The following KCNK18 variants were observed in gnomAD, a reference collection of about 807,000 sequenced individuals.
KCNK18 encodes potassium two pore domain channel subfamily K member 18, also known as potassium channel subfamily K member 18.
Under a neutral mutation model 11.8 loss-of-function variants are expected in KCNK18, and 8 were observed. That is an observed-to-expected ratio of 0.68 (90% CI 0.40 to 1.22). The LOEUF is 1.22. Among genes scored for constraint, KCNK18 ranks in the 50% most tolerant of loss-of-function variants. KCNK18 has a pLI of 0.01. For synonymous variants in KCNK18, 208 were observed against 185.8 expected (o/e 1.12, Z -0.97); for missense variants, 442 against 465.4 (o/e 0.95, Z 0.46).
At chr10:117,204,957 C>T (rs1269986598) in intron 2 of KCNK18, among the ~76,000 whole-genome samples, 2 of 152,174 alleles carry the variant, frequency 1.3e-5, no homozygotes, top group East Asian at 1.9e-4. Flanking sequence ...GCCCATTGTA[C>T]GAGTCAATTA....
At chr10:117,200,814 G>GAAA (rs36101740) in intron 1 of KCNK18, among the ~76,000 whole-genome samples, 9,165 of 145,350 alleles carry the variant, frequency 0.063, 468 homozygotes, top group Admixed American at 0.16. Flanking sequence ...CTTGTCTCAA[G>GAAA]AAAAAAAAAA....
At chr10:117,201,983 A>T (rs1444574812) in intron 2 of KCNK18, among the ~76,000 whole-genome samples, 1 of 152,162 alleles carries the variant, frequency 6.6e-6, no homozygotes, top group East Asian at 1.9e-4. Context: ...GAGACACAGG[A>T]GGCGATGGAG....
intron 2 of KCNK18, among the ~76,000 whole-genome samples, chr10:117,204,270 C>CA (rs61016831): frequency 0.69 from 79,627 of 116,236 alleles, 26,769 homozygotes; most frequent in Admixed American, 0.76. Flanking sequence ...GGCAGAGTCT[C>CA]AAAAAAAAAA....
intron 1 of KCNK18, among the ~76,000 whole-genome samples, chr10:117,198,188 C>A (rs867669151): frequency 1.3e-5 from 2 of 152,130 alleles, no homozygotes; most frequent in African/African-American, 2.4e-5. Flanking sequence ...ATTTAAATTC[C>A]AGCAGGAGCA....
chr10:117,207,188 C>G (rs964886386), intron 2 of KCNK18, among the ~76,000 whole-genome samples: 1 of 152,172 alleles, frequency 6.6e-6, no homozygotes, highest in Non-Finnish European at 1.5e-5. Flanking sequence ...GCCATCACAC[C>G]TGGCCAATTT....
intron 1 of KCNK18, among the ~76,000 whole-genome samples, chr10:117,198,028 G>A (rs1482131530): frequency 1.3e-5 from 2 of 152,256 alleles, no homozygotes; most frequent in South Asian, 2.1e-4. Flanking sequence ...CTCAGGGGAC[G>A]ATGGATTACT....
intron 2 of KCNK18, among the ~76,000 whole-genome samples, 193 bp from the exon 3 acceptor site, chr10:117,209,304 T>C (rs993157151): frequency 1.3e-5 from 2 of 152,178 alleles, no homozygotes; most frequent in African/African-American, 4.8e-5. Context: ...GGAAGCTGTT[T>C]CACTCCTTTC....
intron 1 of KCNK18, among the ~76,000 whole-genome samples, chr10:117,198,848 T>TTGCTGCCAAAGGGACAC (rs1333723820): frequency 1.3e-5 from 2 of 152,070 alleles, no homozygotes; most frequent in East Asian, 3.9e-4. Context: ...ACCTGGGAGA[T>TTGCTGCCAAAGGGACAC]TGCTGCCAAA....
rs377258890 is a variant in KCNK18 at position 117,209,803 on chromosome 10, G to A, written c.659G>A (p.Arg220His). The change falls in exon 3 of 3, where the codon CGC becomes CAC. Residue 220 changes from arginine to histidine, a missense_variant. By Grantham distance (29) the Arg-to-His change is conservative. Transcript: ENST00000334549. ...PGPKLGTCPS[R>H]PSCSMELFER... Reference sequence around the variant, plus strand: ...CCCAAACTTGGCACATGTCCTTCACGCCCAAGCTGCAGCATGGAGCTGTTT... The same window carrying A: ...CCCAAACTTGGCACATGTCCTTCACACCCAAGCTGCAGCATGGAGCTGTTT... The A allele has an allele frequency of 3.3e-5, 54 of 1,613,954 alleles. 1 individual carries two copies. Among genetic ancestry groups the A allele is most frequent in the South Asian group, 6.6e-5 (6 of 91,070 alleles).
chr10:117,209,553 G>A lies in KCNK18; in HGVS notation c.409G>A (p.Ala137Thr), dbSNP rs150240997. 1 of 1,614,130 alleles carries A rather than the reference G, an allele frequency of 6.2e-7. No homozygotes were observed. The highest frequency in any genetic ancestry group is 1.1e-5 in the South Asian group (1 of 91,076). ...TGGCAAGTACTTGTGCATGCTCTAT[G>A]CTCTCTTTGGTATCCCCCTGATGTT... The part of the protein sequence containing the change: ...RLGKYLCMLY[A>T]LFGIPLMFLV... The change falls in exon 3 of 3, where the codon GCT becomes ACT. Residue 137 changes from alanine to threonine, a missense_variant. Coordinates refer to ENST00000334549, the MANE Select transcript of KCNK18 (RefSeq NM_181840.1).
Position 117,210,153 on chromosome 10 carries a change from T to G in KCNK18, c.1009T>G (p.Phe337Val), listed in dbSNP as rs780440795. ...GDTVLEHPNF[F>V]LFFSIYIIVG... ...TACTGTTTTAGAACACCCTAACTTCTTCCTGTTCTTCTCCATTTATATCAT... is the reference window on the plus strand; with the variant it reads ...TACTGTTTTAGAACACCCTAACTTCGTCCTGTTCTTCTCCATTTATATCAT... Residue 337 changes from phenylalanine to valine, a missense_variant, in exon 3 of 3, where the codon TTC becomes GTC. By Grantham distance (50) the Phe-to-Val change is conservative. Transcript: ENST00000334549. 5 of 1,614,250 alleles carry G rather than the reference T, an allele frequency of 3.1e-6. No individual in the cohort carries two copies. Among genetic ancestry groups the G allele is most frequent in the Admixed American group, 1.7e-5 (1 of 60,028 alleles).
rs142777033 is a variant in KCNK18, at chr10:117,198,450, G to C, written c.223+739G>C. Among the ~76,000 whole-genome samples, 81 of 152,294 alleles carry C rather than the reference G, an allele frequency of 5.3e-4. No individual in the cohort carries two copies. The East Asian group carries it at 0.016, about 29-fold the overall frequency. On this transcript the variant is annotated intron_variant, in intron 1 of 2. Coordinates refer to ENST00000334549, the MANE Select transcript of KCNK18 (RefSeq NM_181840.1). ...CAGGGACCCTGTGAGAAGCAGAGGA[G>C]ACAAGGAACATTCTGGCTCTTGGAA...
rs1338998623 is a variant in KCNK18 at position 117,201,723 on chromosome 10, G to A, written c.352+436G>A. Among the ~76,000 whole-genome samples the A allele has an allele frequency of 2.0e-5, 3 of 152,362 alleles. 1 individual carries two copies. Among genetic ancestry groups the A allele is most frequent in the East Asian group, 3.9e-4 (2 of 5,184 alleles). On this transcript the variant is annotated intron_variant, in intron 2 of 2. Transcript: ENST00000334549. ...GCTTCCTCGTGCTTATGAGCAAAAC[G>A]TTGGTTTACTGGCCCCTTTAAGGAC...
intron 2 of KCNK18, among the ~76,000 whole-genome samples, chr10:117,203,783 C>T (rs1301308215): frequency 6.6e-6 from 1 of 152,158 alleles, no homozygotes; most frequent in Non-Finnish European, 1.5e-5. Context: ...GTGATCCATC[C>T]GTCTCGGCCT....
chr10:117,200,455 T>C (rs1202160374), intron 1 of KCNK18, among the ~76,000 whole-genome samples: 1 of 18,708 alleles, frequency 5.3e-5, no homozygotes, highest in African/African-American at 1.2e-4. Context: ...CTAAAAGCCT[T>C]TTGCTTTTAG....
chr10:117,205,536 T>C (rs1355756832), intron 2 of KCNK18, among the ~76,000 whole-genome samples: 1 of 152,192 alleles, frequency 6.6e-6, no homozygotes, highest in African/African-American at 2.4e-5. Context: ...TGCTCTGTGC[T>C]CAAATCCCAG....
At chr10:117,202,660 C>T (rs1177915869) in intron 2 of KCNK18, among the ~76,000 whole-genome samples, 3 of 152,166 alleles carry the variant, frequency 2.0e-5, no homozygotes, top group Non-Finnish European at 4.4e-5. Context: ...GCCTCCCAGC[C>T]GCCTCTAAGC....
chr10:117,204,350 T>G (rs1162770268), intron 2 of KCNK18, among the ~76,000 whole-genome samples: 1 of 152,026 alleles, frequency 6.6e-6, no homozygotes, highest in African/African-American at 2.4e-5. Flanking sequence ...ACTATCAGCT[T>G]CTTGCATGGG....
intron 1 of KCNK18, among the ~76,000 whole-genome samples, chr10:117,199,928 C>G (rs186637343): frequency 6.6e-6 from 1 of 152,306 alleles, no homozygotes; most frequent in African/African-American, 2.4e-5. Context: ...TCAGGAACCT[C>G]TCTGGGAAAC....
Sources: allele counts gnomAD v4.1 joint callset (sites outside exome capture counted in the v4.1 genomes callset), GRCh38; gene constraint gnomAD v4.1.1; transcripts MANE v1.5; gene names NCBI Gene and HGNC (gene_info 2026-07-23, HGNC 2026-07-21).